Variants in LCORL observed in about 807,000 individuals in gnomAD.
The protein encoded by LCORL is ligand-dependent nuclear receptor corepressor-like protein.
A neutral mutation model predicts 141.8 loss-of-function variants in LCORL; 41 were observed. That is an observed-to-expected ratio of 0.29 (90% CI 0.23 to 0.38). The LOEUF (loss-of-function observed/expected upper bound fraction) is 0.38, where lower values mean the gene tolerates loss of function less well. LCORL is among the 10% of genes least tolerant of loss of function. The pLI is 1.00. For synonymous variants in LCORL, 618 were observed against 694.1 expected (o/e 0.89, Z 1.72); for missense variants, 1,759 against 2,035.0 (o/e 0.86, Z 2.61).
At chr4:17,873,707 A>G (rs1726620271) in exon 7 of LCORL, 1 of 1,233,672 alleles carries the variant, frequency 8.1e-7, no homozygotes, top group South Asian at 4.1e-5. Flanking sequence ...TATGAGTCTG[A>G]TGAGTATTTC....
intron 4 of LCORL, among the ~76,000 whole-genome samples, chr4:17,961,386 C>T (rs928560300): frequency 6.6e-6 from 1 of 151,540 alleles, no homozygotes; most frequent in Non-Finnish European, 1.5e-5. Context: ...TTTGGAGAGA[C>T]AAGAAATAAA....
At chr4:18,019,612 T>C (rs188485096) in intron 1 of LCORL, among the ~76,000 whole-genome samples, 2 of 152,330 alleles carry the variant, frequency 1.3e-5, no homozygotes, top group East Asian at 1.9e-4. Flanking sequence ...CATTTAAAGT[T>C]TGACTATTTT....
chr4:17,980,749 C>CA (rs1470510265), intron 1 of LCORL, among the ~76,000 whole-genome samples: 3 of 152,168 alleles, frequency 2.0e-5, no homozygotes, highest in Non-Finnish European at 4.4e-5. Flanking sequence ...AAAGGGACCA[C>CA]ACAGCAGGAG....
intron 1 of LCORL, among the ~76,000 whole-genome samples, chr4:18,018,405 A>G (rs890238821): frequency 1.3e-5 from 2 of 152,202 alleles, no homozygotes; most frequent in Non-Finnish European, 2.9e-5. Context: ...AAGTACCACA[A>G]TGTAAGTAGA....
rs945307581 is a variant in LCORL, at chr4:17,873,715, T to A, written c.5275A>T (p.Asn1759Tyr). ...TCTTCCATATGAGTCTGATGAGTAT[T>A]TCCACTGTCAGTAGATTCAGGAGAG... Residue 1759 changes from asparagine (N) to tyrosine (Y), a missense_variant, in exon 7 of 8, where the codon AAT (asparagine) becomes TAT (tyrosine). Coordinates refer to ENST00000635767, the Ensembl canonical transcript of LCORL. The A allele has an allele frequency of 2.4e-6, 3 of 1,233,778 alleles. No individual in the cohort carries two copies. The East Asian group carries it at 9.5e-5, about 39-fold the overall frequency. The allele number at this position is 1,233,778 out of a possible 1,614,324, so 76.4% of individuals were successfully genotyped here.
intron 4 of LCORL, among the ~76,000 whole-genome samples, chr4:17,929,086 T>C (rs1478214476): frequency 6.6e-6 from 1 of 152,096 alleles, no homozygotes; most frequent in Non-Finnish European, 1.5e-5. Flanking sequence ...AAAATAAACT[T>C]TAAAAGGCAG....
At chr4:17,965,988 T>C (rs1714782886) in intron 2 of LCORL, among the ~76,000 whole-genome samples, 1 of 151,916 alleles carries the variant, frequency 6.6e-6, no homozygotes, top group Non-Finnish European at 1.5e-5. Flanking sequence ...TTCATGAAGA[T>C]CATGAAACAC....
chr4:17,862,722 C>T (rs1488325739), intron 7 of LCORL, among the ~76,000 whole-genome samples: 1 of 152,188 alleles, frequency 6.6e-6, no homozygotes, highest in African/African-American at 2.4e-5. Flanking sequence ...CAAAAATCAA[C>T]TCAAGATGGA....
intron 4 of LCORL, among the ~76,000 whole-genome samples, chr4:17,927,859 C>T (rs189436895): frequency 2.1e-4 from 32 of 152,100 alleles, no homozygotes; most frequent in African/African-American, 7.5e-4. Flanking sequence ...AGACATGAAG[C>T]GAGCACGTTA....
intron 6 of LCORL, chr4:17,883,150 G>A: frequency 2.0e-6 from 2 of 980,790 alleles, no homozygotes; most frequent in East Asian, 1.1e-4. Context: ...CCTGGTGGAT[G>A]CACTTGAGTG....
intron 1 of LCORL, among the ~76,000 whole-genome samples, chr4:17,995,270 T>C (rs1720728066): frequency 1.3e-5 from 2 of 151,972 alleles, no homozygotes; most frequent in Admixed American, 6.6e-5. Context: ...ATGTATTTTC[T>C]GCTATGACTT....
At chr4:17,928,315 G>A (rs892392374) in intron 4 of LCORL, among the ~76,000 whole-genome samples, 1 of 152,128 alleles carries the variant, frequency 6.6e-6, no homozygotes, top group South Asian at 2.1e-4. Flanking sequence ...GAGAAACTGA[G>A]GTGGGAGGAT....
chr4:17,998,108 T>A (rs1721200904), intron 1 of LCORL, among the ~76,000 whole-genome samples: 2 of 152,142 alleles, frequency 1.3e-5, no homozygotes. Flanking sequence ...TACCTAAACG[T>A]ATCTAAACAT....
intron 7 of LCORL, among the ~76,000 whole-genome samples, chr4:17,868,687 C>A (rs1392275626): frequency 3.3e-5 from 5 of 152,114 alleles, no homozygotes; most frequent in African/African-American, 9.7e-5. Context: ...ATTTGTGCTA[C>A]TATTAGAAAA....
exon 7 of LCORL, chr4:17,874,999 T>C: frequency 4.1e-6 from 5 of 1,233,838 alleles, no homozygotes; most frequent in Non-Finnish European, 5.1e-6. Flanking sequence ...CTATCCCTAA[T>C]AGAATGTCTC....
intron 4 of LCORL, among the ~76,000 whole-genome samples, chr4:17,954,452 A>G (rs886448317): frequency 2.6e-5 from 4 of 152,230 alleles, no homozygotes; most frequent in Non-Finnish European, 5.9e-5. Context: ...ACAGAACCAG[A>G]CCACATAGAG....
At chr4:17,868,340 C>A (rs1371473780) in intron 7 of LCORL, among the ~76,000 whole-genome samples, 1 of 151,668 alleles carries the variant, frequency 6.6e-6, no homozygotes. Context: ...TCTCAGAATT[C>A]GATTCAAAGT....
chr4:17,869,281 T>C (rs1216372021), intron 7 of LCORL, among the ~76,000 whole-genome samples: 1 of 152,154 alleles, frequency 6.6e-6, no homozygotes, highest in Non-Finnish European at 1.5e-5. Flanking sequence ...CTAACCTTTG[T>C]ATATTCTCTC....
chr4:17,966,536 C>T (rs1017239923), intron 2 of LCORL, among the ~76,000 whole-genome samples: 19 of 152,112 alleles, frequency 1.2e-4, no homozygotes, highest in African/African-American at 3.1e-4. Context: ...AAAGCACCAA[C>T]CCAGATGATT....
Sources: gnomAD v4.1 joint callset for allele counts (sites outside exome capture counted in the v4.1 genomes callset) on GRCh38, gnomAD v4.1.1 for gene constraint, MANE v1.5 for transcripts, NCBI Gene and HGNC (gene_info 2026-07-23, HGNC 2026-07-21) for gene names.